Variants in NOS2 observed in about 807,000 individuals in gnomAD.
NOS2 encodes the protein nitric oxide synthase, inducible.
NOS2 carries 96 observed loss-of-function variants against 136.0 expected under a neutral mutation model. The ratio of observed to expected loss-of-function variants is 0.71; its 90% confidence interval spans 0.60 to 0.84. NOS2 has a LOEUF of 0.84. Among genes scored for constraint, NOS2 ranks in the 40% least tolerant of loss-of-function variants. The pLI is 0.00. For missense variants in NOS2, 1,237 were observed against 1,496.9 expected, an observed-to-expected ratio of 0.83 and a Z score of 2.87; for synonymous variants, 539 against 587.5, an observed-to-expected ratio of 0.92 and a Z score of 1.20.
intron 19 of NOS2, 78 bp from the exon 20 acceptor site, chr17:27,765,794 C>T: frequency 7.1e-7 from 1 of 1,404,510 alleles, no homozygotes; most frequent in Non-Finnish European, 9.6e-7. Flanking sequence ...CGAGATTCCC[C>T]AGGAAATGTG....
intron 18 of NOS2, among the ~76,000 whole-genome samples, chr17:27,767,232 A>G (rs1462620930): frequency 1.3e-5 from 2 of 152,214 alleles, no homozygotes; most frequent in Non-Finnish European, 2.9e-5. Flanking sequence ...CTGGGGGTGC[A>G]GAGTGGAGAG....
Position 27,779,051 on chromosome 17 carries a change from T to C in NOS2, c.1010A>G (p.Glu337Gly), listed in dbSNP as rs1267475678. Reference protein sequence around the residue: ...LEVAMEHPKYEWFRELELKWY... With the variant: ...LEVAMEHPKYGWFRELELKWY... ...CTTTAGCTCCAGTTCCCGAAACCAC[T>C]CGTATCTGGCAAAAAGGTAGACACA... The change falls in exon 10 of 27, where the codon GAG becomes GGG. Residue 337 changes from glutamate (E) to glycine (G), a missense_variant. Around this residue, in one of 3 missense-constraint regions of NOS2, gnomAD observed 440 missense variants for 545.4 expected, o/e 0.81. Coordinates refer to ENST00000313735, the MANE Select transcript of NOS2 (RefSeq NM_000625.4). The C allele has an allele frequency of 2.0e-6, 3 of 1,506,640 alleles. No individual in the cohort carries two copies. Among genetic ancestry groups the C allele is most frequent in the East Asian group, 2.4e-5 (1 of 41,978 alleles). The allele number at this position is 1,506,640 out of a possible 1,614,324, so 93.3% of individuals were successfully genotyped here.
chr17:27,791,518 T>C (rs1326983670), intron 2 of NOS2, among the ~76,000 whole-genome samples: 4 of 152,082 alleles, frequency 2.6e-5, no homozygotes, highest in Admixed American at 2.0e-4. Flanking sequence ...GAATTCCCCC[T>C]ATGCCTGAAG....
In NOS2 at chr17:27,760,755, CAGG is replaced by C; in HGVS notation, c.2889-14_2889-12del. On this transcript the variant is annotated splice_polypyrimidine_tract_variant and intron_variant, in intron 23 of 26. Coordinates refer to ENST00000313735, the MANE Select transcript of NOS2 (RefSeq NM_000625.4). ...TGGAAGCCGCTGGCACTGAAGAGGA[CAGG>C]AGAAGAGGGGGCCAGTCCTCAGACA... 6.5e-7 allele frequency: 1 copy of C among 1,548,604 alleles called. No homozygotes were observed. The highest frequency in any genetic ancestry group is 8.7e-7 in the Non-Finnish European group (1 of 1,146,364).
chr17:27,785,156 G>A (rs1157858629), intron 5 of NOS2, among the ~76,000 whole-genome samples: 2 of 152,196 alleles, frequency 1.3e-5, no homozygotes, highest in African/African-American at 4.8e-5. Flanking sequence ...TTCGAAGGGT[G>A]TGACTTTGAG....
chr17:27,788,253 G>A (rs1053796713), intron 4 of NOS2, among the ~76,000 whole-genome samples: 1 of 151,812 alleles, frequency 6.6e-6, no homozygotes, highest in Non-Finnish European at 1.5e-5. Context: ...GTTAACTGTG[G>A]TGGTTTGGGG....
Position 27,775,953 on chromosome 17 carries a change from A to G in NOS2, c.1282-1502T>C, listed in dbSNP as rs577976247. Among the ~76,000 whole-genome samples the G allele has an allele frequency of 2.6e-5, 4 of 152,366 alleles. No homozygotes were observed. The South Asian group carries it at 8.3e-4, about 32-fold the overall frequency. The stretch of plus-strand genomic sequence containing the variant: ...GGGAAAGACACAGCCCTTTCTCTGC[A>G]TTAGAGTCTAGTCTAACTGGGTGGG... On this transcript the variant is annotated intron_variant, in intron 11 of 26. Coordinates refer to ENST00000313735, the MANE Select transcript of NOS2 (RefSeq NM_000625.4).
At chr17:27,774,659 C>T (rs1908608111) in intron 11 of NOS2, among the ~76,000 whole-genome samples, 2 of 152,188 alleles carry the variant, frequency 1.3e-5, no homozygotes, top group South Asian at 2.1e-4. Context: ...CAAGAAAGCA[C>T]ATTAGTCAGG....
intron 14 of NOS2, 95 bp from the exon 15 acceptor site, chr17:27,771,112 AG>A (rs1908481941): frequency 6.0e-6 from 5 of 839,416 alleles, no homozygotes; most frequent in Admixed American, 2.1e-5. Flanking sequence ...CACTGCCCCC[AG>A]GCTGCGGCTC....
chr17:27,762,743 G>A, intron 22 of NOS2, 55 bp downstream of exon 22: 1 of 1,258,960 alleles, frequency 7.9e-7, no homozygotes, highest in Non-Finnish European at 1.1e-6. Context: ...TTGATGAACA[G>A]ATGTCCAATA....
intron 5 of NOS2, among the ~76,000 whole-genome samples, chr17:27,785,569 GT>G (rs1908995912): frequency 6.6e-6 from 1 of 152,052 alleles, no homozygotes; most frequent in Non-Finnish European, 1.5e-5. Flanking sequence ...TAAGTCTACT[GT>G]GCAGCCAGGG....
chr17:27,788,483 G>A lies in NOS2; in HGVS notation c.318+326C>T, dbSNP rs28998833. Among the ~76,000 whole-genome samples, 406 of 152,306 alleles carry A rather than the reference G, an allele frequency of 2.7e-3. 5 individuals carry two copies. Among genetic ancestry groups the A allele is most frequent in the African/African-American group, 9.2e-3 (383 of 41,560 alleles). ...AGTGACAGGGAGCTCACTACCTCCTGATGTAATACAGTCCAGCTCTGAGCA... is the reference window on the plus strand; with the variant it reads ...AGTGACAGGGAGCTCACTACCTCCTAATGTAATACAGTCCAGCTCTGAGCA... On this transcript the variant is annotated intron_variant, in intron 4 of 26. Coordinates refer to ENST00000313735, the MANE Select transcript of NOS2 (RefSeq NM_000625.4).
intron 2 of NOS2, among the ~76,000 whole-genome samples, chr17:27,798,192 G>C (rs372640677): frequency 6.6e-6 from 1 of 152,170 alleles, no homozygotes; most frequent in African/African-American, 2.4e-5. Context: ...TTTCAGAGAG[G>C]TTAACTTACC....
chr17:27,795,924 T>C (rs1250798438), intron 2 of NOS2, among the ~76,000 whole-genome samples: 1 of 152,162 alleles, frequency 6.6e-6, no homozygotes, highest in Non-Finnish European at 1.5e-5. Flanking sequence ...ATTTCCTGAA[T>C]GGTCCAAAGA....
chr17:27,787,899 C>G, intron 4 of NOS2, 73 bp from the exon 5 acceptor site: 1 of 1,479,954 alleles, frequency 6.8e-7, no homozygotes, highest in South Asian at 1.4e-5. Flanking sequence ...GCCAGCTCTC[C>G]TGGCCACCTG....
chr17:27,773,350 G>C, intron 12 of NOS2, 107 bp from the exon 13 acceptor site: 1 of 771,194 alleles, frequency 1.3e-6, no homozygotes, highest in South Asian at 1.6e-5. Context: ...GAGCCTGGGA[G>C]AGAAGGCTGG....
intron 11 of NOS2, among the ~76,000 whole-genome samples, chr17:27,776,118 C>G (rs1282053647): frequency 6.6e-6 from 1 of 152,136 alleles, no homozygotes; most frequent in Non-Finnish European, 1.5e-5. Flanking sequence ...TCGGGAGCAG[C>G]TCCTGAGAGG....
In NOS2 at chr17:27,767,759, C is replaced by A; in HGVS notation, c.2113G>T (p.Asp705Tyr). 1 of 1,613,418 alleles carries A rather than the reference C, an allele frequency of 6.2e-7. No homozygotes were observed. Residue 705 changes from aspartate (D) to tyrosine (Y), a missense_variant, in exon 18 of 27, where the codon GAC becomes TAC. Coordinates refer to ENST00000313735, the MANE Select transcript of NOS2 (RefSeq NM_000625.4). ...TGCACGAGCCTGTAGTGGTGCGGGT[C>A]CCAGGTCACATTGGAGGTGTAGAGC... ...PKLYTSNVTW[D>Y]PHHYRLVQDS...
intron 21 of NOS2, among the ~76,000 whole-genome samples, chr17:27,763,719 G>A (rs1343290922): frequency 4.0e-5 from 6 of 151,890 alleles, no homozygotes; most frequent in Non-Finnish European, 5.9e-5. Context: ...GATAAGGGCG[G>A]CTCCCCTTTC....
Sources: allele counts gnomAD v4.1 joint callset (sites outside exome capture counted in the v4.1 genomes callset), GRCh38; gene constraint gnomAD v4.1.1; regional missense constraint gnomAD v4.1.1; transcripts MANE v1.5; gene names NCBI Gene and HGNC (gene_info 2026-07-23, HGNC 2026-07-21).